Variants in C2orf78 observed in about 807,000 individuals in gnomAD.
The protein encoded by C2orf78 is uncharacterized protein C2orf78.
Under a neutral mutation model 21.4 loss-of-function variants are expected in C2orf78, and 12 were observed. The ratio of observed to expected loss-of-function variants is 0.56; its 90% CI spans 0.36 to 0.91. The LOEUF (loss-of-function observed/expected upper bound fraction) is 0.91. Ranked by LOEUF, C2orf78 falls within the 40% of genes least tolerant of loss-of-function variation. C2orf78 has a pLI of 0.01. For synonymous variants in C2orf78, 396 were observed against 413.9 expected (o/e 0.96, Z 0.52); for missense variants, 1,042 against 1,092.4 (o/e 0.95, Z 0.65).
chr2:73,810,146 C>G (rs1005158465), intron 1 of C2orf78, among the ~76,000 whole-genome samples: 2 of 152,060 alleles, frequency 1.3e-5, no homozygotes, highest in Non-Finnish European at 2.9e-5. Context: ...AGAAAAAGCA[C>G]CTTATCAGAA....
intron 1 of C2orf78, among the ~76,000 whole-genome samples, chr2:73,812,114 T>C (rs1361914363): frequency 6.6e-6 from 1 of 152,178 alleles, no homozygotes; most frequent in East Asian, 1.9e-4. Flanking sequence ...TTTTTGCTGA[T>C]ACAATTTCTC....
exon 3 of C2orf78, chr2:73,815,670 A>C (rs1673178063): frequency 6.2e-7 from 1 of 1,613,880 alleles, no homozygotes; most frequent in South Asian, 1.1e-5. Flanking sequence ...CATCAAGGTA[A>C]ATCAGGTGCA....
intron 1 of C2orf78, among the ~76,000 whole-genome samples, chr2:73,807,060 A>T (rs2103972480): frequency 6.9e-6 from 1 of 144,882 alleles, no homozygotes; most frequent in East Asian, 1.9e-4. Context: ...GAGTACCTGT[A>T]ATCCCAGCTA....
intron 1 of C2orf78, among the ~76,000 whole-genome samples, chr2:73,810,813 ATAAT>A (rs1478176877): frequency 8.8e-4 from 65 of 74,188 alleles, no homozygotes; most frequent in Non-Finnish European, 1.5e-3. Context: ...ATATACATGT[ATAAT>A]TAATATACAT....
intron 1 of C2orf78, among the ~76,000 whole-genome samples, chr2:73,786,052 GA>G (rs1167508607): frequency 5.4e-5 from 8 of 149,342 alleles, no homozygotes; most frequent in African/African-American, 7.4e-5. Flanking sequence ...GCTTCAAAAA[GA>G]AAAAAAAAGA....
At chr2:73,809,646 G>T (rs1189043678) in intron 1 of C2orf78, among the ~76,000 whole-genome samples, 1 of 152,114 alleles carries the variant, frequency 6.6e-6, no homozygotes, top group Non-Finnish European at 1.5e-5. Context: ...AACTCAGCCA[G>T]GGTTGGGGGT....
intron 1 of C2orf78, 55 bp downstream of exon 1, chr2:73,784,461 T>G (rs1672883482): frequency 3.4e-6 from 2 of 592,162 alleles, no homozygotes; most frequent in East Asian, 5.9e-5. Context: ...GCCACTAAAT[T>G]TAGATTTCTT....
intron 1 of C2orf78, among the ~76,000 whole-genome samples, chr2:73,808,170 C>G (rs1422382410): frequency 1.3e-5 from 2 of 150,290 alleles, no homozygotes; most frequent in African/African-American, 2.5e-5. Flanking sequence ...AGGAGAATGG[C>G]GTGAACCTGG....
chr2:73,807,025 CA>C (rs1179946968), intron 1 of C2orf78, among the ~76,000 whole-genome samples: 1 of 143,270 alleles, frequency 7.0e-6, no homozygotes, highest in Non-Finnish European at 1.5e-5. Context: ...CAAAAAAATA[CA>C]AAAAATTAGC....
At position 73,784,425 on chromosome 2, in the gene C2orf78, T is replaced by A. The variant is rs1672882822; in HGVS notation, c.97+19T>A. 5 of 804,990 alleles carry A rather than the reference T, an allele frequency of 6.2e-6. No individual in the cohort carries two copies. The highest frequency in any genetic ancestry group is 9.7e-6 in the Non-Finnish European group (5 of 514,854). The allele number at this position is 804,990 out of a possible 1,614,324, so 49.9% of individuals were successfully genotyped here. A position where few individuals can be genotyped will look rare whatever the true frequency, so the allele number is the denominator to read the frequency against. The stretch of plus-strand genomic sequence containing the variant: ...ATGTCAGGTAAAGAGAGAAACTTTT[T>A]AAAAAGGTTTTCATGAGATTTCTTT... On this transcript the variant is annotated intron_variant, in intron 1 of 2. Transcript: ENST00000409561.
At chr2:73,807,421 C>T (rs542703233) in intron 1 of C2orf78, among the ~76,000 whole-genome samples, 1 of 16,626 alleles carries the variant, frequency 6.0e-5, no homozygotes, top group East Asian at 8.5e-4. Context: ...GGAGACGAGG[C>T]TATAAGTAAC....
At chr2:73,817,118 A>G (rs372306889) in exon 3 of C2orf78, 3 of 1,164,764 alleles carry the variant, frequency 2.6e-6, no homozygotes, top group Non-Finnish European at 3.4e-6. Context: ...TGATTAATAG[A>G]TAAGTAATAA....
At chr2:73,813,980 C>T (rs1313377869) in exon 2 of C2orf78, 14 of 1,613,934 alleles carry the variant, frequency 8.7e-6, no homozygotes, top group African/African-American at 1.3e-5. Flanking sequence ...GGGCCATAAC[C>T]TGTCACTTCC....
chr2:73,785,916 C>T lies in C2orf78; in HGVS notation c.97+1510C>T, dbSNP rs187414003. ...ACCAAATTAGCCGGGCATGGTGGCACATGCGTGTAATCCCAGCTACTTGGG... is the reference window on the plus strand; with the variant it reads ...ACCAAATTAGCCGGGCATGGTGGCATATGCGTGTAATCCCAGCTACTTGGG... On this transcript the variant is annotated intron_variant, in intron 1 of 2. Coordinates refer to ENST00000409561, the Ensembl canonical transcript of C2orf78. Among the ~76,000 whole-genome samples the T allele has an allele frequency of 1.0e-3, 152 of 151,980 alleles. 1 individual carries two copies. Among genetic ancestry groups the T allele is most frequent in the African/African-American group, 3.6e-3 (148 of 41,396 alleles).
exon 2 of C2orf78, chr2:73,813,981 T>A: frequency 6.2e-7 from 1 of 1,614,034 alleles, no homozygotes; most frequent in Non-Finnish European, 8.5e-7. Context: ...GGCCATAACC[T>A]GTCACTTCCC....
At chr2:73,785,722 C>T (rs1672912337) in intron 1 of C2orf78, among the ~76,000 whole-genome samples, 1 of 151,956 alleles carries the variant, frequency 6.6e-6, no homozygotes, top group African/African-American at 2.4e-5. Flanking sequence ...ATAGATGACA[C>T]TTGACAGTTT....
exon 3 of C2orf78, chr2:73,816,627 C>A (rs1474128955): frequency 1.9e-6 from 3 of 1,613,472 alleles, no homozygotes; most frequent in Non-Finnish European, 2.5e-6. Context: ...CCCTACCCAG[C>A]CTACTGTCCC....
At position 73,785,892 on chromosome 2, in the gene C2orf78, C is replaced by A. The variant is rs1446967839; in HGVS notation, c.97+1486C>A. ...AGAAACCCCACCTCTACTAAAAATA[C>A]CAAATTAGCCGGGCATGGTGGCACA... On this transcript the variant is annotated intron_variant, in intron 1 of 2. Coordinates refer to ENST00000409561, the Ensembl canonical transcript of C2orf78. Among the ~76,000 whole-genome samples, 17 of 151,868 alleles carry A rather than the reference C, an allele frequency of 1.1e-4. No homozygotes were observed. The East Asian group carries it at 2.3e-3, about 21-fold the overall frequency.
chr2:73,812,115 A>G (rs1673101584), intron 1 of C2orf78, among the ~76,000 whole-genome samples: 1 of 152,128 alleles, frequency 6.6e-6, no homozygotes, highest in Non-Finnish European at 1.5e-5. Flanking sequence ...TTTTGCTGAT[A>G]CAATTTCTCT....
Sources: gnomAD v4.1 joint callset for allele counts (sites outside exome capture counted in the v4.1 genomes callset) on GRCh38, gnomAD v4.1.1 for gene constraint, MANE v1.5 for transcripts, NCBI Gene and HGNC (gene_info 2026-07-23, HGNC 2026-07-21) for gene names.